Variants in NAV2 observed in about 807,000 individuals in gnomAD.
NAV2 encodes helicase, APC down-regulated 1.
Under a neutral mutation model 223.2 loss-of-function variants are expected in NAV2, and 54 were observed. That is an observed-to-expected ratio of 0.24 (90% CI 0.19 to 0.30). The LOEUF (loss-of-function observed/expected upper bound fraction) is 0.30. Among genes scored for constraint, NAV2 ranks in the 10% least tolerant of loss-of-function variants. The pLI, the probability that NAV2 is intolerant of heterozygous loss-of-function variation, is 1.00. For missense variants in NAV2, 2,806 were observed against 3,147.5 expected, an observed-to-expected ratio of 0.89 and a Z score of 2.60; for synonymous variants, 1,279 against 1,239.3, an observed-to-expected ratio of 1.03 and a Z score of -0.67.
At chr11:20,098,723 A>T (rs1335442681) in intron 31 of NAV2, among the ~76,000 whole-genome samples, 1 of 152,242 alleles carries the variant, frequency 6.6e-6, no homozygotes, top group Non-Finnish European at 1.5e-5. Flanking sequence ...AGCAAGTGAA[A>T]TTCCACAATT....
At chr11:20,071,106 G>GTCCCC (rs2059377421) in intron 22 of NAV2, among the ~76,000 whole-genome samples, 1 of 128,376 alleles carries the variant, frequency 7.8e-6, no homozygotes, top group African/African-American at 3.1e-5. Flanking sequence ...CCCTCCCCTA[G>GTCCCC]CCCCCCACCC....
intron 1 of NAV2, among the ~76,000 whole-genome samples, chr11:19,431,821 G>T (rs1414431257): frequency 6.6e-6 from 1 of 152,230 alleles, no homozygotes; most frequent in Middle Eastern, 3.2e-3. Context: ...CTTAGCAGCA[G>T]CTAGGAAAAA....
chr11:19,995,436 G>T (rs559886243), intron 11 of NAV2, among the ~76,000 whole-genome samples: 2 of 152,304 alleles, frequency 1.3e-5, no homozygotes, highest in South Asian at 4.1e-4. Flanking sequence ...CATGCCGTGG[G>T]GCCCCCTCTT....
intron 36 of NAV2, among the ~76,000 whole-genome samples, chr11:20,110,368 A>G (rs1308345572): frequency 6.6e-6 from 1 of 152,186 alleles, no homozygotes; most frequent in Non-Finnish European, 1.5e-5. Context: ...TGTGTTCTTC[A>G]TGCCTCTGGT....
At chr11:20,115,604 C>A (rs2063002820) in intron 37 of NAV2, among the ~76,000 whole-genome samples, 1 of 116,902 alleles carries the variant, frequency 8.6e-6, no homozygotes, top group Non-Finnish European at 1.6e-5. Flanking sequence ...TGCACTCCAG[C>A]CTGGGCAACA....
At chr11:19,866,628 G>A (rs909977737) in intron 3 of NAV2, among the ~76,000 whole-genome samples, 9 of 152,100 alleles carry the variant, frequency 5.9e-5, no homozygotes, top group African/African-American at 2.2e-4. Flanking sequence ...TATAAGTAAT[G>A]TACTTTATGC....
intron 5 of NAV2, among the ~76,000 whole-genome samples, chr11:19,881,369 A>G (rs1406274490): frequency 6.6e-6 from 1 of 152,168 alleles, no homozygotes; most frequent in African/African-American, 2.4e-5. Context: ...TCCCTGGAGA[A>G]CTGCCTGAGT....
At position 19,998,641 on chromosome 11, in the gene NAV2, G is replaced by A. The variant is rs139023539; in HGVS notation, c.2768+14394G>A. On this transcript the variant is annotated intron_variant, in intron 11 of 37. Coordinates refer to ENST00000349880, the MANE Select transcript of NAV2 (RefSeq NM_145117.5). This position sits in a 1 kb window ranked among gnomAD's most constrained non-coding sequence, Gnocchi z 5.0. ...CCTGCCTTCATCCATTCCCCTGGACGTGCCGGATCTTCTCTTTCGTCAGAA... is the reference window on the plus strand; with the variant it reads ...CCTGCCTTCATCCATTCCCCTGGACATGCCGGATCTTCTCTTTCGTCAGAA... Among the ~76,000 whole-genome samples the A allele has an allele frequency of 8.5e-5, 13 of 152,076 alleles. No individual in the cohort carries two copies. In the South Asian group the frequency reaches 1.7e-3, roughly 19 times the overall value.
chr11:19,627,216 C>T (rs528818556), intron 1 of NAV2, among the ~76,000 whole-genome samples: 7 of 152,184 alleles, frequency 4.6e-5, no homozygotes, highest in South Asian at 2.1e-4. Flanking sequence ...GGCGAAACCC[C>T]GTCTGTATTA....
chr11:20,044,082 G>A lies in NAV2; in HGVS notation c.3009G>A (p.Glu1003=). The A allele has an allele frequency of 6.2e-7, 1 of 1,614,200 alleles. No individual in the cohort carries two copies. Among genetic ancestry groups the A allele is most frequent in the Non-Finnish European group, 8.5e-7 (1 of 1,180,022 alleles). The change falls in exon 13 of 38, where the codon GAG becomes GAA. Residue 1003 remains glutamate (E), a synonymous_variant. Transcript: ENST00000349880. Reference sequence around the variant, plus strand: ...GCTCAGACAGCGGCATAAAAATGGAGCCAGGTTCCAAGTGGAGGCGGAATC... The same window carrying A: ...GCTCAGACAGCGGCATAAAAATGGAACCAGGTTCCAAGTGGAGGCGGAATC... ...DGGSDSGIKM[E]PGSKWRRNPS... is the part of the protein sequence containing the mutation.
At chr11:19,406,486 A>G (rs1849902689) in intron 1 of NAV2, among the ~76,000 whole-genome samples, 1 of 152,170 alleles carries the variant, frequency 6.6e-6, no homozygotes. Flanking sequence ...GTCATGGGGT[A>G]GACAGAGCCG....
rs1353281075 is a variant in NAV2, at chr11:19,880,029, C to T, written c.672C>T (p.Thr224=). ...CCCCCTCCCAGTGCCAGGCTGGCAC[C>T]CCTCAGCAGCAGGTGCCAGTCACTC... The part of the protein sequence containing the change: ...AGAPSQCQAG[T]PQQQVPVTPQ... The change falls in exon 5 of 38, where the codon ACC becomes ACT. Residue 224 remains threonine, a synonymous_variant. Coordinates refer to ENST00000349880, the MANE Select transcript of NAV2 (RefSeq NM_145117.5). 6.2e-7 allele frequency: 1 copy of T among 1,613,742 alleles called. No homozygotes were observed. The highest frequency in any genetic ancestry group is 8.5e-7 in the Non-Finnish European group (1 of 1,179,822).
chr11:19,539,238 A>G (rs2044273217), intron 1 of NAV2, among the ~76,000 whole-genome samples: 2 of 152,232 alleles, frequency 1.3e-5, no homozygotes, highest in South Asian at 2.1e-4. Flanking sequence ...GTGTGCAGGC[A>G]TGAATAGTTG....
chr11:19,872,648 A>G (rs2062587740), intron 4 of NAV2, among the ~76,000 whole-genome samples: 1 of 152,242 alleles, frequency 6.6e-6, no homozygotes, highest in Non-Finnish European at 1.5e-5. Context: ...TTCCCAGTCT[A>G]AAGCTGGGTT....
chr11:19,507,543 G>A (rs1363021489), intron 1 of NAV2, among the ~76,000 whole-genome samples: 1 of 152,162 alleles, frequency 6.6e-6, no homozygotes, highest in Non-Finnish European at 1.5e-5. Context: ...TCACTAAATA[G>A]CTGCATCACT....
chr11:19,379,619 C>T (rs79080413), intron 1 of NAV2, among the ~76,000 whole-genome samples: 5,069 of 152,248 alleles, frequency 0.033, 134 homozygotes, highest in Admixed American at 0.073. Context: ...TGGCCACATC[C>T]GCTGCCCTGA....
intron 27 of NAV2, among the ~76,000 whole-genome samples, chr11:20,091,955 C>G (rs765446613): frequency 3.3e-5 from 5 of 152,138 alleles, no homozygotes; most frequent in Non-Finnish European, 7.4e-5. Flanking sequence ...AACCCTCAAG[C>G]AGCAGACTCT....
chr11:19,815,925 T>A (rs899469823), intron 1 of NAV2, among the ~76,000 whole-genome samples: 2 of 152,318 alleles, frequency 1.3e-5, no homozygotes, highest in East Asian at 3.9e-4. Flanking sequence ...GATGAATCAA[T>A]CAGGGCCTTC....
intron 6 of NAV2, among the ~76,000 whole-genome samples, chr11:19,921,392 A>T (rs929404894): frequency 2.0e-5 from 3 of 152,206 alleles, no homozygotes; most frequent in Admixed American, 1.3e-4. Context: ...CAGCAGAAAG[A>T]TTACATTTTG....
Sources: gnomAD v4.1 joint callset for allele counts (sites outside exome capture counted in the v4.1 genomes callset) on GRCh38, gnomAD v4.1.1 for gene constraint, Gnocchi (gnomAD v3.1) non-coding constraint, MANE v1.5 for transcripts, NCBI Gene and HGNC (gene_info 2026-07-23, HGNC 2026-07-21) for gene names.